ERBB4: variants seen among roughly 807,000 people sequenced by gnomAD.
ERBB4 encodes the protein receptor tyrosine-protein kinase erbB-4.
ERBB4 carries 42 observed loss-of-function variants against 158.0 expected under a neutral mutation model. The observed-to-expected ratio is 0.27, with a 90% CI of 0.21 to 0.34. The LOEUF is 0.34. ERBB4 is among the 10% of genes least tolerant of loss of function. ERBB4 has a pLI of 1.00. For synonymous variants in ERBB4, 583 were observed against 558.7 expected, an observed-to-expected ratio of 1.04 and a Z score of -0.61; for missense variants, 1,333 against 1,624.1, an observed-to-expected ratio of 0.82 and a Z score of 3.08.
chr2:212,251,814 G>A (rs2084545130), intron 1 of ERBB4, among the ~76,000 whole-genome samples: 1 of 151,952 alleles, frequency 6.6e-6, no homozygotes, highest in Non-Finnish European at 1.5e-5. Flanking sequence ...ATTGCTGGCT[G>A]TTAGTCAAAA....
intron 3 of ERBB4, among the ~76,000 whole-genome samples, chr2:211,835,439 G>A (rs1007569060): frequency 6.6e-6 from 1 of 151,888 alleles, no homozygotes; most frequent in African/African-American, 2.4e-5. Flanking sequence ...CACTATGCAA[G>A]GAATATCTAA....
chr2:212,099,737 T>TTTG (rs1553557602), intron 2 of ERBB4, among the ~76,000 whole-genome samples: 2 of 17,944 alleles, frequency 1.1e-4, no homozygotes, highest in African/African-American at 2.5e-3. Flanking sequence ...TGTTTTACAG[T>TTTG]TTTTTTTTTT....
rs1245995165 is a variant in ERBB4 at position 212,474,839 on chromosome 2, T to TTTTTTTTTTTTTTTTG, written c.82+63609_82+63610insCAAAAAAAAAAAAAAA. 2.7e-4 allele frequency among the ~76,000 whole-genome samples: 37 copies of TTTTTTTTTTTTTTTTG among 136,218 alleles called. 1 individual carries two copies. The highest frequency in any genetic ancestry group is 1.1e-3 in the African/African-American group (34 of 29,686). The allele number at this position is 136,218 out of a possible 152,430, so 89.4% of individuals were successfully genotyped here. A position where few individuals can be genotyped will look rare whatever the true frequency, so the allele number is the denominator to read the frequency against. On this transcript the variant is annotated intron_variant, in intron 1 of 27. Coordinates refer to ENST00000342788, the MANE Select transcript of ERBB4 (RefSeq NM_005235.3). ...CGGCCATTCTTTTTTTTTTTTTTTT[T>TTTTTTTTTTTTTTTTG]TGTCAAGACAAGGTCTTGCTCTATT... is the stretch of plus-strand genomic sequence containing the variant.
chr2:211,833,998 G>A (rs1209467691), intron 3 of ERBB4, among the ~76,000 whole-genome samples: 1 of 152,044 alleles, frequency 6.6e-6, no homozygotes, highest in Non-Finnish European at 1.5e-5. Flanking sequence ...GAAAACGAGT[G>A]TAGTCGATCT....
intron 1 of ERBB4, among the ~76,000 whole-genome samples, chr2:212,290,794 C>T (rs370309912): frequency 6.6e-6 from 1 of 151,588 alleles, no homozygotes; most frequent in Non-Finnish European, 1.5e-5. Flanking sequence ...AAACAAATAA[C>T]GAACATATAC....
chr2:211,721,945 C>T (rs950920123), intron 7 of ERBB4, among the ~76,000 whole-genome samples: 5 of 152,156 alleles, frequency 3.3e-5, no homozygotes, highest in African/African-American at 1.2e-4. Context: ...TCACTGCAAC[C>T]TCCACCTCCC....
intron 2 of ERBB4, among the ~76,000 whole-genome samples, chr2:211,976,244 T>C (rs2125217056): frequency 6.6e-6 from 1 of 152,266 alleles, no homozygotes; most frequent in South Asian, 2.1e-4. Flanking sequence ...CAGAATTTCA[T>C]CACCCATTCT....
At chr2:211,395,438 T>TTAAC (rs2125339206) in intron 25 of ERBB4, among the ~76,000 whole-genome samples, 1 of 152,204 alleles carries the variant, frequency 6.6e-6, no homozygotes, top group South Asian at 2.1e-4. Context: ...GAACCTCAAA[T>TTAAC]TAACTTTTAA....
At chr2:212,062,692 A>T (rs2077817740) in intron 2 of ERBB4, among the ~76,000 whole-genome samples, 2 of 152,062 alleles carry the variant, frequency 1.3e-5, no homozygotes, top group South Asian at 4.1e-4. Flanking sequence ...GGAGTGAGCC[A>T]CCGCTCCCAG....
chr2:212,023,008 T>G (rs2076690914), intron 2 of ERBB4, among the ~76,000 whole-genome samples: 1 of 152,066 alleles, frequency 6.6e-6, no homozygotes, highest in African/African-American at 2.4e-5. Flanking sequence ...TTCATTTTTT[T>G]TTTATTACGT....
intron 19 of ERBB4, among the ~76,000 whole-genome samples, chr2:211,595,468 A>G (rs1035572860): frequency 6.6e-6 from 1 of 152,200 alleles, no homozygotes; most frequent in Admixed American, 6.5e-5. Context: ...ATACCAGAGG[A>G]TGAGAGGGTC....
chr2:212,191,194 T>C (rs75714047), intron 1 of ERBB4, among the ~76,000 whole-genome samples: 3 of 152,280 alleles, frequency 2.0e-5, no homozygotes, highest in African/African-American at 7.2e-5. Context: ...CTTACTACAA[T>C]ACATATTGCA....
At chr2:211,701,777 A>G (rs2073260798) in intron 12 of ERBB4, among the ~76,000 whole-genome samples, 190 bp downstream of exon 12, 1 of 150,198 alleles carries the variant, frequency 6.7e-6, no homozygotes, top group Non-Finnish European at 1.5e-5. Context: ...AAAAAAAAAA[A>G]AAAAAAAGAA....
rs1320049853 is a variant in ERBB4, at chr2:211,386,840, A to G, written c.3481+13T>C. 2 of 1,613,440 alleles carry G rather than the reference A, an allele frequency of 1.2e-6. No individual in the cohort carries two copies. The highest frequency in any genetic ancestry group is 2.2e-5 in the South Asian group (2 of 91,054). On this transcript the variant is annotated intron_variant, in intron 27 of 27. Transcript: ENST00000342788. The stretch of plus-strand genomic sequence containing the variant: ...CTTCGAATGGCGATCGTTTCTGAAT[A>G]ATCAGTTCATACCTTGTTTGGGTTT...
intron 20 of ERBB4, among the ~76,000 whole-genome samples, chr2:211,544,068 C>T (rs1453706959): frequency 6.6e-6 from 1 of 151,894 alleles, no homozygotes; most frequent in Non-Finnish European, 1.5e-5. Flanking sequence ...TCCATAGATT[C>T]ACATGGATTA....
chr2:211,935,432 T>C (rs939719602), intron 3 of ERBB4, among the ~76,000 whole-genome samples: 4 of 152,036 alleles, frequency 2.6e-5, no homozygotes, highest in African/African-American at 9.7e-5. Context: ...GAAAGGTGAA[T>C]ACATTCATCT....
intron 1 of ERBB4, among the ~76,000 whole-genome samples, chr2:212,149,517 T>C (rs183078199): frequency 1.3e-5 from 2 of 152,282 alleles, no homozygotes; most frequent in Admixed American, 6.5e-5. Flanking sequence ...AAAAAAGTAT[T>C]TTGCTAACTT....
intron 3 of ERBB4, among the ~76,000 whole-genome samples, chr2:211,911,889 T>C (rs544586714): frequency 5.9e-5 from 9 of 151,928 alleles, no homozygotes; most frequent in Non-Finnish European, 1.3e-4. Context: ...ATTTTACATT[T>C]CAAATTGGTA....
chr2:211,706,601 C>CAAAAAAAAAA (rs201615846), intron 9 of ERBB4, among the ~76,000 whole-genome samples: 4 of 94,460 alleles, frequency 4.2e-5, no homozygotes, highest in East Asian at 2.9e-4. Flanking sequence ...CTTAAAAAAA[C>CAAAAAAAAAA]AAAAAAAAAA....
Sources: gnomAD v4.1 joint callset for allele counts (sites outside exome capture counted in the v4.1 genomes callset) on GRCh38, gnomAD v4.1.1 for gene constraint, MANE v1.5 for transcripts, NCBI Gene and HGNC (gene_info 2026-07-23, HGNC 2026-07-21) for gene names.